Variants in CFAP61 observed in about 807,000 individuals in gnomAD.
The protein encoded by CFAP61 is cilia and flagella associated protein 61.
In CFAP61, 107 loss-of-function variants were observed where a neutral mutation model predicts 135.6. The observed-to-expected ratio is 0.79, with a 90% CI of 0.67 to 0.93. The LOEUF is 0.93. Ranked by LOEUF, CFAP61 falls within the 40% of genes least tolerant of loss-of-function variation. The pLI is 0.00. For synonymous variants in CFAP61, 575 were observed against 578.5 expected, an observed-to-expected ratio of 0.99 and a Z score of 0.09; for missense variants, 1,507 against 1,556.2, an observed-to-expected ratio of 0.97 and a Z score of 0.53.
At chr20:20,147,921 T>G (rs940560894) in intron 9 of CFAP61, among the ~76,000 whole-genome samples, 2 of 152,216 alleles carry the variant, frequency 1.3e-5, no homozygotes, top group Non-Finnish European at 2.9e-5. Context: ...TTATGTTGAT[T>G]TTTGCATAAG....
At position 20,136,707 on chromosome 20, in the gene CFAP61, G is replaced by A. The variant is rs745744296; in HGVS notation, c.860-6150G>A. Among the ~76,000 whole-genome samples, 7 of 152,136 alleles carry A rather than the reference G, an allele frequency of 4.6e-5. No individual in the cohort carries two copies. The South Asian group carries it at 1.4e-3, about 31-fold the overall frequency. ...CTATTTTGAATTCTCCATCTGAAAG[G>A]TCCTACATCTCTGTCTCTCTGGGAT... On this transcript the variant is annotated intron_variant, in intron 8 of 26. Coordinates refer to ENST00000245957, the MANE Select transcript of CFAP61 (RefSeq NM_015585.4).
At chr20:20,200,711 C>G (rs1302503902) in intron 17 of CFAP61, 2 of 985,052 alleles carry the variant, frequency 2.0e-6, no homozygotes, top group African/African-American at 3.5e-5. Context: ...TAAGTTTAAA[C>G]TCTCCAAACA....
chr20:20,251,842 C>T, intron 20 of CFAP61, 79 bp downstream of exon 20: 4 of 1,426,282 alleles, frequency 2.8e-6, no homozygotes, highest in Non-Finnish European at 3.9e-6. Flanking sequence ...CTGGGGCACA[C>T]ACACTCTGGG....
chr20:20,228,006 A>G (rs558536916), intron 17 of CFAP61, among the ~76,000 whole-genome samples: 1 of 152,334 alleles, frequency 6.6e-6, no homozygotes, highest in Admixed American at 6.5e-5. Flanking sequence ...GCATTAAGAC[A>G]ACATCTTGAA....
chr20:20,331,497 A>G (rs2057995394), intron 25 of CFAP61, among the ~76,000 whole-genome samples: 1 of 151,770 alleles, frequency 6.6e-6, no homozygotes, highest in Admixed American at 6.6e-5. Flanking sequence ...TTTAACATGT[A>G]TTCATTATTT....
chr20:20,053,784 C>T (rs948411326), intron 1 of CFAP61, among the ~76,000 whole-genome samples: 1 of 152,032 alleles, frequency 6.6e-6, no homozygotes, highest in Non-Finnish European at 1.5e-5. Flanking sequence ...TTCATAAAGC[C>T]ACCTAACAAA....
At chr20:20,278,396 G>A (rs2053932919) in intron 22 of CFAP61, among the ~76,000 whole-genome samples, 1 of 152,194 alleles carries the variant, frequency 6.6e-6, no homozygotes, top group African/African-American at 2.4e-5. Flanking sequence ...CACCCTCAGA[G>A]TTTACAGCTT....
At chr20:20,337,569 GATGGATGGATAGAT>G (rs1441423622) in intron 25 of CFAP61, among the ~76,000 whole-genome samples, 2 of 1,978 alleles carry the variant, frequency 1.0e-3, no homozygotes, top group African/African-American at 1.3e-3. Context: ...TGGATGGATG[GATGGATGGATAGAT>G]GTGGGTGGAT....
At position 20,069,175 on chromosome 20, in the gene CFAP61, ACTG is replaced by A. The variant is rs150088530; in HGVS notation, c.144-1675_144-1673del. On this transcript the variant is annotated intron_variant, in intron 2 of 26. Transcript: ENST00000245957. ...TACAGGAAGCGCATGTGTGTGAGAGACTGCTGTTTGGTGAACTGCTCTTGTAAA... is the reference window on the plus strand; with the variant it reads ...TACAGGAAGCGCATGTGTGTGAGAGACTGTTTGGTGAACTGCTCTTGTAAA... 8.1e-3 allele frequency among the ~76,000 whole-genome samples: 1,238 copies of A among 152,356 alleles called. 23 individuals are homozygous for A. The highest frequency in any genetic ancestry group is 0.028 in the African/African-American group (1,178 of 41,584).
intron 12 of CFAP61, 131 bp downstream of exon 12, chr20:20,166,567 C>A: frequency 1.5e-6 from 1 of 679,300 alleles, no homozygotes; most frequent in Non-Finnish European, 2.5e-6. Flanking sequence ...AATGGCATGT[C>A]ATGAGCTCAT....
At chr20:20,099,994 CAA>C (rs1172519604) in intron 8 of CFAP61, among the ~76,000 whole-genome samples, 1 of 152,076 alleles carries the variant, frequency 6.6e-6, no homozygotes, top group Non-Finnish European at 1.5e-5. Context: ...ACACCCTCCC[CAA>C]AAGAGATTTG....
In CFAP61 at chr20:20,099,583, G is replaced by GT. The variant is rs375245546; in HGVS notation, c.859+769_859+770insT. Among the ~76,000 whole-genome samples the GT allele has an allele frequency of 6.0e-4, 91 of 151,978 alleles. 1 individual carries two copies. The highest frequency in any genetic ancestry group is 1.9e-3 in the African/African-American group (79 of 41,374). ...TAATAGTAATACCTCCCACACGGGG[G>GT]GGGGGTTGTGAAGTTTCACTGAGAT... On this transcript the variant is annotated intron_variant, in intron 8 of 26. Coordinates refer to ENST00000245957, the MANE Select transcript of CFAP61 (RefSeq NM_015585.4).
chr20:20,277,123 G>T (rs1381517239), intron 21 of CFAP61, 43 bp from the exon 22 acceptor site: 5 of 1,492,330 alleles, frequency 3.4e-6, no homozygotes, highest in Admixed American at 3.9e-5. Flanking sequence ...AGGTTTTTTG[G>T]TTTTCTGAAC....
intron 24 of CFAP61, among the ~76,000 whole-genome samples, chr20:20,295,671 T>G (rs898847251): frequency 1.3e-5 from 2 of 152,192 alleles, no homozygotes; most frequent in Non-Finnish European, 2.9e-5. Flanking sequence ...TATATTTTAA[T>G]TCTGAAATAC....
intron 25 of CFAP61, among the ~76,000 whole-genome samples, chr20:20,302,944 G>A (rs1206021843): frequency 1.3e-5 from 2 of 152,250 alleles, no homozygotes; most frequent in Non-Finnish European, 2.9e-5. Flanking sequence ...TATAAACTAC[G>A]TTTTGGTAAG....
rs550453497 is a variant in CFAP61 at position 20,098,797 on chromosome 20, GT to G, written c.843del (p.Ser281ArgfsTer20). On this transcript the variant is annotated frameshift_variant, in exon 8 of 27. Transcript: ENST00000245957. LOFTEE classifies it high-confidence loss of function. Reference protein sequence around the residue: ...DDVLESPQDLSVRRSQDAELR... With the variant: ...DDVLESPQDLXVRRSQDAELR... ...GTTCTGGAATCACCACAAGACCTAA[GT>G]GTCCGAAGAAGTCAAGGTACAGTGG... The G allele has an allele frequency of 5.0e-6, 8 of 1,612,658 alleles. No individual in the cohort carries two copies. Among genetic ancestry groups the G allele is most frequent in the Non-Finnish European group, 6.8e-6 (8 of 1,179,572 alleles).
intron 9 of CFAP61, among the ~76,000 whole-genome samples, chr20:20,143,305 A>G (rs893817096): frequency 1.3e-5 from 2 of 152,126 alleles, no homozygotes; most frequent in African/African-American, 4.8e-5. Flanking sequence ...GCATACTCCA[A>G]TGGGACAGCA....
chr20:20,217,246 G>A (rs1453075263), intron 17 of CFAP61, among the ~76,000 whole-genome samples: 1 of 152,212 alleles, frequency 6.6e-6, no homozygotes, highest in African/African-American at 2.4e-5. Flanking sequence ...ATGTGAAAGA[G>A]AATACAAACC....
chr20:20,193,267 C>T (rs765971868), intron 15 of CFAP61, among the ~76,000 whole-genome samples: 2 of 152,200 alleles, frequency 1.3e-5, no homozygotes, highest in African/African-American at 2.4e-5. Flanking sequence ...TTAGTGTAAT[C>T]GTGGCTGTAG....
Sources: gnomAD v4.1 joint callset for allele counts (sites outside exome capture counted in the v4.1 genomes callset) on GRCh38, gnomAD v4.1.1 for gene constraint, MANE v1.5 for transcripts, NCBI Gene and HGNC (gene_info 2026-07-23, HGNC 2026-07-21) for gene names.